Variants in CFAP70 observed in about 807,000 individuals in gnomAD.
The protein encoded by CFAP70 is cilia and flagella associated protein 70, also known as cilia- and flagella-associated protein 70.
CFAP70 carries 81 observed loss-of-function variants against 137.6 expected under a neutral mutation model. That is an observed-to-expected ratio of 0.59 (90% confidence interval 0.49 to 0.71). The LOEUF is 0.71. Ranked by LOEUF, CFAP70 falls within the 30% of genes least tolerant of loss-of-function variation. The pLI is 0.00. For missense variants in CFAP70, 976 were observed against 1,226.7 expected (o/e 0.80, Z 3.05); for synonymous variants, 382 against 423.6 (o/e 0.90, Z 1.20).
intron 11 of CFAP70, 107 bp downstream of exon 12, chr10:73,311,727 T>A: frequency 1.1e-6 from 1 of 923,052 alleles, no homozygotes; most frequent in Non-Finnish European, 1.7e-6. Flanking sequence ...TGGGCAAATA[T>A]GGAATGATAA....
intron 25 of CFAP70, among the ~76,000 whole-genome samples, chr10:73,267,450 T>C (rs2045878330): frequency 6.6e-6 from 1 of 152,204 alleles, no homozygotes; most frequent in African/African-American, 2.4e-5. Flanking sequence ...CAATGTCACT[T>C]GCACCATATT....
At chr10:73,331,304 A>G (rs1419668030) in intron 7 of CFAP70, 28 bp from the exon 9 acceptor site, 26 of 1,563,592 alleles carry the variant, frequency 1.7e-5, no homozygotes, top group Non-Finnish European at 2.2e-5. Context: ...GTCCATTAGC[A>G]TTATATGCAA....
exon 11 of CFAP70, chr10:73,311,869 C>T: frequency 1.2e-6 from 2 of 1,613,964 alleles, no homozygotes; most frequent in South Asian, 1.1e-5. Flanking sequence ...GGGGGTTCAC[C>T]TTCCAAAGGA....
chr10:73,271,021 A>G (rs558746585), intron 24 of CFAP70, among the ~76,000 whole-genome samples: 1 of 152,218 alleles, frequency 6.6e-6, no homozygotes, highest in Admixed American at 6.5e-5. Context: ...TGCTGGGAGT[A>G]AAAAAATAAA....
rs369760330 is a variant in CFAP70, at chr10:73,293,213, C to T, written c.1770+50G>A. 5.3e-5 allele frequency: 83 copies of T among 1,551,536 alleles called. No homozygotes were observed. The African/African-American group carries it at 1.1e-3, about 20-fold the overall frequency. On this transcript the variant is annotated intron_variant, in intron 16 of 26. Coordinates refer to ENST00000310715, the Ensembl canonical transcript of CFAP70. ...TAAACAATCAAAAATTACTATTATG[C>T]CCATATTTCACAAATAATAGTAACA...
chr10:73,360,006 C>T (rs1218414507), upstream of CFAP70, among the ~76,000 whole-genome samples: 2 of 152,150 alleles, frequency 1.3e-5, no homozygotes, highest in Non-Finnish European at 1.5e-5. Flanking sequence ...CTGTCTCTGA[C>T]TGAGGTTATA....
At chr10:73,255,653 C>T (rs907332649) in intron 26 of CFAP70, among the ~76,000 whole-genome samples, 7 of 150,118 alleles carry the variant, frequency 4.7e-5, no homozygotes, top group South Asian at 4.4e-4. Flanking sequence ...GTTTTTGAGA[C>T]GGAGCCTCAG....
chr10:73,362,645 A>T (rs556317058), upstream of CFAP70, among the ~76,000 whole-genome samples: 1 of 152,228 alleles, frequency 6.6e-6, no homozygotes, highest in East Asian at 1.9e-4. Context: ...ACTTTACTGA[A>T]TTTATTACTT....
At chr10:73,341,307 C>A in intron 6 of CFAP70, 92 bp downstream of exon 7, 1 of 1,143,518 alleles carries the variant, frequency 8.7e-7, no homozygotes, top group Non-Finnish European at 1.2e-6. Context: ...CGACAGGTGA[C>A]AAATGTATAT....
Position 73,348,404 on chromosome 10 carries a change from G to C in CFAP70, c.349+19C>G, listed in dbSNP as rs372982631. On this transcript the variant is annotated intron_variant, in intron 4 of 26. Transcript: ENST00000310715. The stretch of plus-strand genomic sequence containing the variant: ...ATGAGCTTTTCCATTTCTGCTTTTG[G>C]GCAAAGCACACATCTGACCTTCCAG... 1.9e-6 allele frequency: 3 copies of C among 1,597,304 alleles called. No homozygotes were observed. In the African/African-American group the frequency reaches 4.0e-5, roughly 21 times the overall value.
chr10:73,347,438 C>T (rs557597666), intron 4 of CFAP70, among the ~76,000 whole-genome samples: 35 of 152,056 alleles, frequency 2.3e-4, no homozygotes, highest in Middle Eastern at 3.4e-3. Flanking sequence ...AAAAAGAAAA[C>T]CTAAAGACAC....
chr10:73,339,505 G>T (rs1009988864), intron 6 of CFAP70, among the ~76,000 whole-genome samples: 1 of 152,186 alleles, frequency 6.6e-6, no homozygotes, highest in East Asian at 1.9e-4. Flanking sequence ...GGGCCTGCTA[G>T]GCTCATTTCA....
intron 9 of CFAP70, among the ~76,000 whole-genome samples, chr10:73,313,367 G>GT (rs1422346597): frequency 8.5e-6 from 1 of 117,682 alleles, no homozygotes; most frequent in African/African-American, 3.7e-5. Flanking sequence ...GCGAGACTCT[G>GT]TCTCAAAAAA....
intron 19 of CFAP70, among the ~76,000 whole-genome samples, chr10:73,282,427 C>T (rs1339705652): frequency 6.6e-6 from 1 of 151,860 alleles, no homozygotes; most frequent in Non-Finnish European, 1.5e-5. Flanking sequence ...CACACCAAAC[C>T]ATGATGGATT....
chr10:73,304,138 C>A (rs752022624), intron 12 of CFAP70, among the ~76,000 whole-genome samples: 1 of 152,014 alleles, frequency 6.6e-6, no homozygotes, highest in Non-Finnish European at 1.5e-5. Context: ...CTCACTGCAA[C>A]CTCCACCTCC....
intron 5 of CFAP70, 91 bp downstream of exon 6, chr10:73,344,974 C>A: frequency 9.6e-7 from 1 of 1,043,726 alleles, no homozygotes; most frequent in Admixed American, 2.1e-5. Context: ...CAGTGCAATG[C>A]TTTGAATGAA....
At position 73,335,420 on chromosome 10, in the gene CFAP70, T is replaced by C. The variant is rs1238837107; in HGVS notation, c.677+10A>G. On this transcript the variant is annotated intron_variant, in intron 7 of 26. Coordinates refer to ENST00000310715, the Ensembl canonical transcript of CFAP70. ...GTGGGTTAGACATATGTCCTTCCTC[T>C]TCTTCTTACCTGACCACTGCAGAAG... The C allele has an allele frequency of 6.3e-7, 1 of 1,594,744 alleles. No homozygotes were observed. The highest frequency in any genetic ancestry group is 1.1e-5 in the South Asian group (1 of 88,996).
chr10:73,327,651 A>C (rs2051605195), intron 8 of CFAP70, among the ~76,000 whole-genome samples: 1 of 152,122 alleles, frequency 6.6e-6, no homozygotes, highest in South Asian at 2.1e-4. Flanking sequence ...CTCAGGATAC[A>C]AAATCAATAT....
Position 73,345,253 on chromosome 10 carries a change from G to T in CFAP70, c.350-139C>A. ...ACTTCAAGACTGCACTGCTGTAAAA[G>T]AATAAAATTATGCAGCATTTTGAAA... On this transcript the variant is annotated intron_variant, in intron 4 of 26. Coordinates refer to ENST00000310715, the Ensembl canonical transcript of CFAP70. 1 of 1,604,362 alleles carries T rather than the reference G, an allele frequency of 6.2e-7. No homozygotes were observed. The highest frequency in any genetic ancestry group is 8.5e-7 in the Non-Finnish European group (1 of 1,174,930).
Sources: allele counts gnomAD v4.1 joint callset (sites outside exome capture counted in the v4.1 genomes callset), GRCh38; gene constraint gnomAD v4.1.1; transcripts MANE v1.5; gene names NCBI Gene and HGNC (gene_info 2026-07-23, HGNC 2026-07-21).